RUNX1T1: variants seen among roughly 807,000 people sequenced by gnomAD.
RUNX1T1 encodes the protein RUNX1 partner transcriptional co-repressor 1, also known as protein CBFA2T1.
RUNX1T1 carries 4 observed loss-of-function variants against 62.8 expected under a neutral mutation model. The observed-to-expected ratio is 0.06, with a 90% CI of 0.03 to 0.15. The LOEUF (loss-of-function observed/expected upper bound fraction) is 0.15, where lower values mean the gene tolerates loss of function less well. RUNX1T1 is among the 10% of genes least tolerant of loss of function. The probability of loss-of-function intolerance (pLI) is 1.00; values close to 1 mark genes in which losing one functional copy is unlikely to be tolerated. For synonymous variants in RUNX1T1, 291 were observed against 286.0 expected, an observed-to-expected ratio of 1.02 and a Z score of -0.18; for missense variants, 508 against 754.3, an observed-to-expected ratio of 0.67 and a Z score of 3.82.
intron 8 of RUNX1T1, among the ~76,000 whole-genome samples, chr8:91,980,500 T>A (rs1402847255): frequency 6.6e-6 from 1 of 152,184 alleles, no homozygotes; most frequent in Non-Finnish European, 1.5e-5. Context: ...AAGACAGGAA[T>A]CTTTTCTAAT....
chr8:92,074,962 G>GA (rs200769223), intron 2 of RUNX1T1, among the ~76,000 whole-genome samples: 55 of 150,132 alleles, frequency 3.7e-4, no homozygotes, highest in Non-Finnish European at 7.0e-4. Context: ...GGTCTTTCAA[G>GA]AAAAAAAAAC....
chr8:92,023,696 C>G (rs1315512223), intron 1 of RUNX1T1, among the ~76,000 whole-genome samples: 5 of 152,138 alleles, frequency 3.3e-5, no homozygotes, highest in African/African-American at 9.7e-5. Context: ...TCTTCATTTC[C>G]CACTCCATCT....
At chr8:92,068,761 T>G (rs1324796805) in intron 2 of RUNX1T1, among the ~76,000 whole-genome samples, 1 of 152,102 alleles carries the variant, frequency 6.6e-6, no homozygotes, top group Non-Finnish European at 1.5e-5. Flanking sequence ...ACTGAATCCT[T>G]AAGATTTTCA....
At chr8:92,042,430 C>T (rs546733215) in intron 1 of RUNX1T1, among the ~76,000 whole-genome samples, 10 of 152,270 alleles carry the variant, frequency 6.6e-5, no homozygotes, top group South Asian at 2.1e-4. Context: ...CCTCCCACCT[C>T]GGCCTTCTGA....
intron 8 of RUNX1T1, chr8:91,977,412 T>A (rs549032381): frequency 1.0e-5 from 2 of 194,652 alleles, no homozygotes; most frequent in Admixed American, 1.2e-4. Flanking sequence ...ATGACAAAAA[T>A]AAAAACGTTT....
At chr8:91,970,948 G>A (rs978404782) in intron 9 of RUNX1T1, 100 bp from the exon 11 acceptor site, 13 of 1,056,336 alleles carry the variant, frequency 1.2e-5, no homozygotes, top group South Asian at 4.1e-5. Flanking sequence ...TTTTCTTTCC[G>A]AGGCTGGTCT....
At chr8:92,030,918 TTCCTGAGGGCCAGACCAAGAGGTCTC>T (rs1826102421) in intron 1 of RUNX1T1, among the ~76,000 whole-genome samples, 1 of 152,202 alleles carries the variant, frequency 6.6e-6, no homozygotes, top group South Asian at 2.1e-4. Flanking sequence ...GAAGGATACT[TTCCTGAGGGCCAGACCAAGAGGTCTC>T]ACTGCTTTCT....
Position 92,062,788 on chromosome 8 carries a change from T to C in RUNX1T1, c.-236A>G. On this transcript the variant is annotated 5_prime_UTR_variant, in exon 1 of 11. Coordinates refer to ENST00000396218, the Ensembl canonical transcript of RUNX1T1. ...AAATGTGGAGGATGACAGGAGCACA[T>C]GTGGCCTTGAACCCAGCCCTGTCTC... 3 of 1,491,590 alleles carry C rather than the reference T, an allele frequency of 2.0e-6. No homozygotes were observed. The South Asian group carries it at 3.9e-5, about 20-fold the overall frequency. 92.4% of individuals were successfully genotyped at this position (1,491,590 alleles called of 1,614,324 possible). A position where few individuals can be genotyped will look rare whatever the true frequency, so the allele number is the denominator to read the frequency against.
rs778499667 is a variant in RUNX1T1 at position 92,010,940 on chromosome 8, C to A, written c.477+62G>T. ...CCCCTAAATGTACTAAAAAAGCACA[C>A]AGTTATGACCTAGCAACAATATGGT... On this transcript the variant is annotated intron_variant, in intron 4 of 10. Coordinates refer to ENST00000396218, the Ensembl canonical transcript of RUNX1T1. 5 of 889,350 alleles carry A rather than the reference C, an allele frequency of 5.6e-6. No homozygotes were observed. In the East Asian group the frequency reaches 9.9e-5, roughly 18 times the overall value. The allele number at this position is 889,350 out of a possible 1,614,324, so 55.1% of individuals were successfully genotyped here.
At chr8:92,080,590 G>A (rs1024152614) in intron 1 of RUNX1T1, among the ~76,000 whole-genome samples, 1 of 152,338 alleles carries the variant, frequency 6.6e-6, no homozygotes, top group Non-Finnish European at 1.5e-5. Context: ...GTCAGCTGTT[G>A]TAGAAATGAG....
At chr8:92,030,933 C>A (rs1826104407) in intron 1 of RUNX1T1, among the ~76,000 whole-genome samples, 2 of 152,316 alleles carry the variant, frequency 1.3e-5, no homozygotes, top group Non-Finnish European at 2.9e-5. Flanking sequence ...GAGGGCCAGA[C>A]CAAGAGGTCT....
exon 6 of RUNX1T1, chr8:91,991,825 T>C (rs1158742297): frequency 1.2e-6 from 2 of 1,614,050 alleles, no homozygotes; most frequent in Admixed American, 1.7e-5. Flanking sequence ...GGGCTAATAG[T>C]GCATGGTCGC....
intron 5 of RUNX1T1, among the ~76,000 whole-genome samples, chr8:92,003,886 G>C (rs1354885991): frequency 6.6e-6 from 1 of 152,164 alleles, no homozygotes; most frequent in Non-Finnish European, 1.5e-5. Flanking sequence ...ATATATGAAG[G>C]TAGGCCTACA....
chr8:91,969,490 T>TA (rs1357567278), intron 10 of RUNX1T1, among the ~76,000 whole-genome samples: 2 of 54,742 alleles, frequency 3.7e-5, no homozygotes, highest in Non-Finnish European at 3.7e-5. Context: ...GTTTTTAAAA[T>TA]AAAAAACATA....
chr8:91,995,036 T>C (rs963482567), intron 5 of RUNX1T1, among the ~76,000 whole-genome samples: 1 of 152,242 alleles, frequency 6.6e-6, no homozygotes, highest in Non-Finnish European at 1.5e-5. Flanking sequence ...AACAATTTAT[T>C]ATTTATACCT....
chr8:92,103,267 C>T, upstream of RUNX1T1: 1 of 237,240 alleles, frequency 4.2e-6, no homozygotes, highest in Non-Finnish European at 8.2e-6. Context: ...GCGGCGTCTG[C>T]GTCTCCCTCG....
intron 10 of RUNX1T1, among the ~76,000 whole-genome samples, chr8:91,968,850 T>C (rs1038490471): frequency 3.3e-5 from 5 of 152,210 alleles, no homozygotes; most frequent in African/African-American, 1.2e-4. Context: ...AGCCATATAC[T>C]AGACACTTCC....
chr8:92,095,431 G>A, intron 1 of RUNX1T1: 1 of 1,535,548 alleles, frequency 6.5e-7, no homozygotes, highest in Non-Finnish European at 8.7e-7. Flanking sequence ...ACACATTGGA[G>A]CTTATCAGAA....
chr8:92,102,864 A>T, upstream of RUNX1T1: 1 of 1,521,536 alleles, frequency 6.6e-7, no homozygotes, highest in Non-Finnish European at 8.8e-7. This position sits in a 1 kb window ranked among gnomAD's most constrained non-coding sequence, Gnocchi z 4.5. Context: ...TACACTGCAC[A>T]GGGCCGGAGA....
Sources: gnomAD v4.1 joint callset for allele counts (sites outside exome capture counted in the v4.1 genomes callset) on GRCh38, gnomAD v4.1.1 for gene constraint, Gnocchi (gnomAD v3.1) non-coding constraint, MANE v1.5 for transcripts, NCBI Gene and HGNC (gene_info 2026-07-23, HGNC 2026-07-21) for gene names.